Variants in NF1 observed in about 807,000 individuals in gnomAD.
NF1 encodes neurofibromin 1.
A neutral mutation model predicts 325.7 loss-of-function variants in NF1; 122 were observed. The ratio of observed to expected loss-of-function variants is 0.37; its 90% CI spans 0.32 to 0.44. The LOEUF (loss-of-function observed/expected upper bound fraction) is 0.44, where lower values mean the gene tolerates loss of function less well. Among genes scored for constraint, NF1 ranks in the 20% least tolerant of loss-of-function variants. NF1 has a pLI of 1.00. For synonymous variants in NF1, 1,091 were observed against 1,186.0 expected, an observed-to-expected ratio of 0.92 and a Z score of 1.65; for missense variants, 2,140 against 3,415.4, an observed-to-expected ratio of 0.63 and a Z score of 9.31.
At position 31,290,885 on chromosome 17, in the gene NF1, A is replaced by G. The variant is rs1306963524; in HGVS notation, c.4835+25546A>G. ...GCTGGGCATGGTGGCACATACCTGTAGTCTTAACTACTCAGGAGGCTGAAG... is the reference window on the plus strand; with the variant it reads ...GCTGGGCATGGTGGCACATACCTGTGGTCTTAACTACTCAGGAGGCTGAAG... On this transcript the variant is annotated intron_variant, in intron 36 of 57. Coordinates refer to ENST00000358273, the MANE Select transcript of NF1 (RefSeq NM_001042492.3). 2.0e-5 allele frequency among the ~76,000 whole-genome samples: 3 copies of G among 151,022 alleles called. No homozygotes were observed. In the East Asian group the frequency reaches 5.8e-4, roughly 29 times the overall value.
intron 1 of NF1, among the ~76,000 whole-genome samples, chr17:31,135,239 T>C (rs907596705): frequency 1.5e-4 from 23 of 152,172 alleles, no homozygotes; most frequent in Admixed American, 1.5e-3. Context: ...GTGTGTGTGT[T>C]ATTAGGTGCA....
intron 3 of NF1, among the ~76,000 whole-genome samples, chr17:31,160,467 C>G (rs1451934581): frequency 6.6e-6 from 1 of 152,168 alleles, no homozygotes; most frequent in Non-Finnish European, 1.5e-5. Context: ...AAGTTTTCTA[C>G]TTAAAATCGA....
At chr17:31,245,845 C>T (rs2067380319) in intron 29 of NF1, among the ~76,000 whole-genome samples, 1 of 152,166 alleles carries the variant, frequency 6.6e-6, no homozygotes, top group African/African-American at 2.4e-5. Flanking sequence ...ATAAACTCAC[C>T]TTCAGCCTCT....
chr17:31,242,404 C>T (rs1427402515), intron 29 of NF1, among the ~76,000 whole-genome samples: 2 of 150,452 alleles, frequency 1.3e-5, no homozygotes, highest in Non-Finnish European at 3.0e-5. Flanking sequence ...CACCCTCCGC[C>T]TCTACCTCCT....
At position 31,336,791 on chromosome 17, in the gene NF1, T is replaced by A. The variant is rs1476212874; in HGVS notation, c.6304T>A (p.Tyr2102Asn). The change falls in exon 42 of 58, where the codon TAC (tyrosine) becomes AAC (asparagine). Residue 2102 changes from tyrosine (Y) to asparagine (N), a missense_variant. By Grantham distance (143) the Tyr-to-Asn change is moderately radical. Transcript: ENST00000358273. The surrounding 1 kb of genome is among the most constrained non-coding windows in gnomAD (Gnocchi z 5.5). ...CCTTGATGTGGCAGCTCATCTTCCC[T>A]ACCTCTTCCACGTTGTTACTTTCTT... ...NSLDVAAHLPYLFHVVTFLVA... is the reference protein window; with the variant it reads ...NSLDVAAHLPNLFHVVTFLVA... 1 of 1,614,140 alleles carries A rather than the reference T, an allele frequency of 6.2e-7. No individual in the cohort carries two copies. Among genetic ancestry groups the A allele is most frequent in the Admixed American group, 1.7e-5 (1 of 60,018 alleles).
intron 5 of NF1, among the ~76,000 whole-genome samples, chr17:31,175,345 C>CTTTTTTTT (rs869113407): frequency 2.5e-4 from 18 of 71,340 alleles, no homozygotes; most frequent in South Asian, 1.3e-3. Context: ...TGTGCTTTTG[C>CTTTTTTTT]TTTTTTTTTT....
In NF1 at chr17:31,156,534, G is replaced by C. The variant is rs1475179118; in HGVS notation, c.204+408G>C. On this transcript the variant is annotated intron_variant, in intron 2 of 57. Transcript: ENST00000358273. ...TTTGAATTTACTTACGGTTGTCCCA[G>C]CCCTAAGTAGATGATAAAATATGAT... Among the ~76,000 whole-genome samples the C allele has an allele frequency of 2.0e-5, 3 of 152,082 alleles. No homozygotes were observed. The East Asian group carries it at 5.8e-4, about 29-fold the overall frequency.
At chr17:31,175,813 G>T (rs2066012471) in intron 5 of NF1, among the ~76,000 whole-genome samples, 1 of 152,090 alleles carries the variant, frequency 6.6e-6, no homozygotes, top group African/African-American at 2.4e-5. Flanking sequence ...GAAAATGATG[G>T]TTTCCAGCTT....
In NF1 at chr17:31,174,662, A is replaced by G. The variant is rs146386835; in HGVS notation, c.586+4665A>G. Among the ~76,000 whole-genome samples, 439 of 152,340 alleles carry G rather than the reference A, an allele frequency of 2.9e-3. 5 individuals are homozygous for G. Among genetic ancestry groups the G allele is most frequent in the South Asian group, 3.7e-3 (18 of 4,818 alleles). ...GAAAAGACCTTGGTTTTAAAGCCCAATTCAATCATTTATTAGATCTGTAAC... is the reference window on the plus strand; with the variant it reads ...GAAAAGACCTTGGTTTTAAAGCCCAGTTCAATCATTTATTAGATCTGTAAC... On this transcript the variant is annotated intron_variant, in intron 5 of 57. Coordinates refer to ENST00000358273, the MANE Select transcript of NF1 (RefSeq NM_001042492.3).
intron 36 of NF1, among the ~76,000 whole-genome samples, chr17:31,283,493 G>A (rs920720097): frequency 4.0e-5 from 6 of 150,722 alleles, no homozygotes; most frequent in Admixed American, 2.0e-4. Context: ...TCACTCTGTC[G>A]CCCAGGCTGA....
chr17:31,304,274 C>T (rs766923911), intron 36 of NF1: 6 of 1,607,704 alleles, frequency 3.7e-6, no homozygotes, highest in Non-Finnish European at 5.1e-6. Context: ...TATAACAGTT[C>T]TGCAGGTGGA....
In NF1 at chr17:31,357,069, G is replaced by A. The variant is rs2151582495; in HGVS notation, c.7848G>A (p.Gln2616=). ...DEEVLTDPKI[Q]ALLLTVLATL... is the part of the protein sequence containing the mutation. Reference sequence around the variant, plus strand: ...AAGTACTTACTGATCCGAAGATCCAGGCGCTGCTTCTTACTGTTCTAGTAA... The same window carrying A: ...AAGTACTTACTGATCCGAAGATCCAAGCGCTGCTTCTTACTGTTCTAGTAA... The change falls in exon 53 of 58, where the codon CAG becomes CAA. Residue 2616 remains glutamine (Q), a synonymous_variant. Coordinates refer to ENST00000358273, the MANE Select transcript of NF1 (RefSeq NM_001042492.3). The A allele has an allele frequency of 6.2e-7, 1 of 1,613,676 alleles. No individual in the cohort carries two copies. The highest frequency in any genetic ancestry group is 2.2e-5 in the East Asian group (1 of 44,870).
At chr17:31,225,440 A>G (rs1242689108) in intron 17 of NF1, among the ~76,000 whole-genome samples, 190 bp downstream of exon 17, 1 of 152,154 alleles carries the variant, frequency 6.6e-6, no homozygotes, top group African/African-American at 2.4e-5. Context: ...CCTCAACTTT[A>G]AAATGGGGAC....
At chr17:31,278,398 AT>A (rs1457845161) in intron 36 of NF1, among the ~76,000 whole-genome samples, 2 of 76,618 alleles carry the variant, frequency 2.6e-5, no homozygotes, top group Non-Finnish European at 4.9e-5. Flanking sequence ...GTCTTTTTGG[AT>A]TTTTTGGGTT....
intron 1 of NF1, among the ~76,000 whole-genome samples, chr17:31,143,442 TG>T (rs1475321557): frequency 6.6e-6 from 1 of 151,158 alleles, no homozygotes; most frequent in African/African-American, 2.5e-5. Flanking sequence ...AATTTTTAAA[TG>T]TTTTTTTTGT....
chr17:31,119,774 G>A (rs774401339), intron 1 of NF1, among the ~76,000 whole-genome samples: 5 of 152,092 alleles, frequency 3.3e-5, no homozygotes, highest in Non-Finnish European at 7.4e-5. Context: ...TCAATCTTGA[G>A]TTAATTTTTG....
chr17:31,252,165 G>A (rs2067505961), intron 30 of NF1: 1 of 183,112 alleles, frequency 5.5e-6, no homozygotes, highest in African/African-American at 2.6e-5. Flanking sequence ...ATGGTCAACT[G>A]TAATATGTGA....
At chr17:31,250,025 A>G (rs2067468448) in intron 30 of NF1, 1 of 499,086 alleles carries the variant, frequency 2.0e-6, no homozygotes, top group Non-Finnish European at 4.0e-6. Context: ...CATCATTGAA[A>G]TCACCATTTT....
intron 29 of NF1, among the ~76,000 whole-genome samples, chr17:31,248,220 C>CA (rs34071215): frequency 0.38 from 48,384 of 126,710 alleles, 10,720 homozygotes; most frequent in African/African-American, 0.65. Context: ...CACCCCCCAC[C>CA]AAAAAAAAAA....
Sources: allele counts gnomAD v4.1 joint callset (sites outside exome capture counted in the v4.1 genomes callset), GRCh38; gene constraint gnomAD v4.1.1; non-coding constraint Gnocchi (gnomAD v3.1); transcripts MANE v1.5; gene names NCBI Gene and HGNC (gene_info 2026-07-23, HGNC 2026-07-21).